Variants in RFTN2 observed in about 807,000 individuals in gnomAD.
RFTN2 encodes the protein raftlin-2.
RFTN2 carries 34 observed loss-of-function variants against 52.7 expected under a neutral mutation model. That is an observed-to-expected ratio of 0.64 (90% CI 0.49 to 0.86). RFTN2 has a LOEUF of 0.86. Among genes scored for constraint, RFTN2 ranks in the 40% least tolerant of loss-of-function variants. RFTN2 has a pLI of 0.00. For missense variants in RFTN2, 536 were observed against 600.1 expected, an observed-to-expected ratio of 0.89 and a Z score of 1.12; for synonymous variants, 203 against 217.7, an observed-to-expected ratio of 0.93 and a Z score of 0.59.
chr2:197,573,738 G>T (rs762207513), intron 8 of RFTN2, among the ~76,000 whole-genome samples: 34 of 152,204 alleles, frequency 2.2e-4, no homozygotes, highest in Non-Finnish European at 4.0e-4. Context: ...TGGAGGCCTA[G>T]GAGGAAAAAA....
intron 5 of RFTN2, among the ~76,000 whole-genome samples, chr2:197,624,505 G>A (rs2088320534): frequency 6.7e-6 from 1 of 148,840 alleles, no homozygotes; most frequent in Non-Finnish European, 1.5e-5. Flanking sequence ...GACTGAGGCA[G>A]GAGAATGGCG....
At chr2:197,605,643 G>A (rs1160079212) in intron 7 of RFTN2, among the ~76,000 whole-genome samples, 1 of 152,118 alleles carries the variant, frequency 6.6e-6, no homozygotes, top group African/African-American at 2.4e-5. Flanking sequence ...AATAATCTGT[G>A]GTATTCATAC....
In RFTN2 at chr2:197,571,105, T is replaced by G. The variant is rs1559333089; in HGVS notation, c.*903A>C. The G allele has an allele frequency of 6.6e-6, 1 of 152,334 alleles. No homozygotes were observed. Among genetic ancestry groups the G allele is most frequent in the African/African-American group, 2.4e-5 (1 of 41,466 alleles). The allele number at this position is 152,334 out of a possible 1,614,324, so 9.4% of individuals were successfully genotyped here. A position where few individuals can be genotyped will look rare whatever the true frequency, so the allele number is the denominator to read the frequency against. Reference sequence around the variant, plus strand: ...TGAGCATCTTTCTACTCCTGCCAGATTGAAAATTCTAGGTTTCAACATTCT... The same window carrying G: ...TGAGCATCTTTCTACTCCTGCCAGAGTGAAAATTCTAGGTTTCAACATTCT... On this transcript the variant is annotated 3_prime_UTR_variant, in exon 9 of 9. Transcript: ENST00000295049.
chr2:197,633,633 T>C (rs1347869325), intron 4 of RFTN2, 85 bp downstream of exon 4: 6 of 1,008,322 alleles, frequency 6.0e-6, no homozygotes, highest in South Asian at 1.6e-5. Flanking sequence ...GCAATTTACT[T>C]TGACTCATAT....
At chr2:197,636,261 T>C (rs1238639002) in intron 3 of RFTN2, among the ~76,000 whole-genome samples, 1 of 145,008 alleles carries the variant, frequency 6.9e-6, no homozygotes, top group Non-Finnish European at 1.5e-5. Context: ...AGTAGTTTTT[T>C]CCAATTCTGT....
At chr2:197,590,919 C>A (rs2087699855) in intron 8 of RFTN2, among the ~76,000 whole-genome samples, 1 of 152,122 alleles carries the variant, frequency 6.6e-6, no homozygotes, top group African/African-American at 2.4e-5. Flanking sequence ...AGTAAAAAAA[C>A]AAAACTCCCC....
chr2:197,573,406 T>C (rs1197473647), intron 8 of RFTN2, among the ~76,000 whole-genome samples: 1 of 152,226 alleles, frequency 6.6e-6, no homozygotes, highest in South Asian at 2.1e-4. Flanking sequence ...GCCCTCAAGA[T>C]ATGTGGAACT....
intron 3 of RFTN2, among the ~76,000 whole-genome samples, chr2:197,636,744 C>T (rs998099000): frequency 4.0e-5 from 6 of 150,288 alleles, no homozygotes; most frequent in African/African-American, 1.5e-4. Flanking sequence ...CTTCTCCTGC[C>T]TAATTGCCCT....
intron 1 of RFTN2, among the ~76,000 whole-genome samples, chr2:197,672,106 T>C (rs993546593): frequency 6.6e-6 from 1 of 152,176 alleles, no homozygotes; most frequent in Non-Finnish European, 1.5e-5. Flanking sequence ...CATAATACAG[T>C]GAAAGAAATC....
intron 5 of RFTN2, among the ~76,000 whole-genome samples, chr2:197,626,617 CTTTTTTT>C (rs71012985): frequency 1.1e-5 from 1 of 90,950 alleles, no homozygotes; most frequent in African/African-American, 4.6e-5. Flanking sequence ...GAATAATCTT[CTTTTTTT>C]TTTTTTTTTT....
chr2:197,674,630 A>G (rs968807330), intron 1 of RFTN2, among the ~76,000 whole-genome samples: 22 of 152,174 alleles, frequency 1.4e-4, no homozygotes, highest in Non-Finnish European at 3.2e-4. Flanking sequence ...TAAAGTTTCC[A>G]AAAGAAATGA....
At chr2:197,610,481 G>C (rs185413512) in intron 7 of RFTN2, among the ~76,000 whole-genome samples, 76 of 152,346 alleles carry the variant, frequency 5.0e-4, no homozygotes, top group African/African-American at 1.7e-3. Flanking sequence ...AGACTTTTCT[G>C]AAGTTGCTTA....
At chr2:197,616,952 C>T (rs2088155137) in intron 6 of RFTN2, among the ~76,000 whole-genome samples, 1 of 152,132 alleles carries the variant, frequency 6.6e-6, no homozygotes, top group Admixed American at 6.5e-5. Context: ...CAGAATATAC[C>T]TGAATTCAGT....
Position 197,568,978 on chromosome 2 carries a change from C to T in RFTN2, c.*3030G>A, listed in dbSNP as rs2087274997. 6.6e-6 allele frequency: 1 copy of T among 152,316 alleles called. No individual in the cohort carries two copies. The highest frequency in any genetic ancestry group is 6.5e-5 in the Admixed American group (1 of 15,296). 9.4% of individuals were successfully genotyped at this position (152,316 alleles called of 1,614,324 possible). A position where few individuals can be genotyped will look rare whatever the true frequency, so the allele number is the denominator to read the frequency against. On this transcript the variant is annotated 3_prime_UTR_variant, in exon 9 of 9. Transcript: ENST00000295049. The stretch of plus-strand genomic sequence containing the variant: ...CTCCTGCTTCTCCTCCTCCTGAAAG[C>T]CCTAGAATCTCTCAAAGAGGGTGAC...
rs150115867 is a variant in RFTN2 at position 197,598,586 on chromosome 2, T to C, written c.1155-2517A>G. ...TCACACTAACTGTGGATGGGGCAAT[T>C]CTGAATGCACTAAGATCTGATGTTT... On this transcript the variant is annotated intron_variant, in intron 7 of 8. Transcript: ENST00000295049. Among the ~76,000 whole-genome samples the C allele has an allele frequency of 5.1e-4, 77 of 152,288 alleles. 2 individuals carry two copies. In the South Asian group the frequency reaches 8.3e-3, roughly 16 times the overall value.
chr2:197,614,924 A>G (rs1424767353), intron 7 of RFTN2, among the ~76,000 whole-genome samples: 1 of 152,188 alleles, frequency 6.6e-6, no homozygotes, highest in Non-Finnish European at 1.5e-5. Context: ...CTGGGAAGAA[A>G]AGTAGATTAA....
intron 7 of RFTN2, among the ~76,000 whole-genome samples, chr2:197,613,695 A>G (rs2088099220): frequency 6.6e-6 from 1 of 152,252 alleles, no homozygotes. Context: ...AGATTTACCA[A>G]CAATCCTTGT....
chr2:197,586,568 G>T (rs2087602044), intron 8 of RFTN2, among the ~76,000 whole-genome samples: 1 of 152,156 alleles, frequency 6.6e-6, no homozygotes, highest in African/African-American at 2.4e-5. Context: ...GGACGGAAGA[G>T]CTTCCTGTTC....
chr2:197,571,690 T>C lies in RFTN2; in HGVS notation c.*318A>G, dbSNP rs2087320413. ...TACTGATTGAGATATTCAGTCTCCT[T>C]ACCAGGAATTGTAAGAAAGTCTACT... is the stretch of plus-strand genomic sequence containing the variant. On this transcript the variant is annotated 3_prime_UTR_variant, in exon 9 of 9. Coordinates refer to ENST00000295049, the MANE Select transcript of RFTN2 (RefSeq NM_144629.3). 6.5e-6 allele frequency: 2 copies of C among 307,990 alleles called. No individual in the cohort carries two copies. Among genetic ancestry groups the C allele is most frequent in the African/African-American group, 4.3e-5 (2 of 46,358 alleles). The allele number at this position is 307,990 out of a possible 1,614,324, so 19.1% of individuals were successfully genotyped here.
Sources: gnomAD v4.1 joint callset for allele counts (sites outside exome capture counted in the v4.1 genomes callset) on GRCh38, gnomAD v4.1.1 for gene constraint, MANE v1.5 for transcripts, NCBI Gene and HGNC (gene_info 2026-07-23, HGNC 2026-07-21) for gene names.